ST6GAL1: variants seen among roughly 807,000 people sequenced by gnomAD.
ST6GAL1 encodes the protein beta-galactoside alpha-2,6-sialyltransferase 1.
In ST6GAL1, 20 loss-of-function variants were observed where a neutral mutation model predicts 38.0. That is an observed-to-expected ratio of 0.53 (90% CI 0.37 to 0.77). ST6GAL1 has a LOEUF of 0.77. Among genes scored for constraint, ST6GAL1 ranks in the 30% least tolerant of loss-of-function variants. The pLI is 0.00. For synonymous variants in ST6GAL1, 196 were observed against 188.2 expected, an observed-to-expected ratio of 1.04 and a Z score of -0.34; for missense variants, 432 against 496.4, an observed-to-expected ratio of 0.87 and a Z score of 1.23.
rs1169159943 is a variant in ST6GAL1, at chr3:187,075,857, A to T, written c.*54A>T. On this transcript the variant is annotated 3_prime_UTR_variant, in exon 8 of 8. Coordinates refer to ENST00000169298, the MANE Select transcript of ST6GAL1 (RefSeq NM_173216.2). The surrounding 1 kb of genome is among the most constrained non-coding windows in gnomAD (Gnocchi z 4.1). ...GCATTAAATGAATGGTCTCTTGGCC[A>T]CCCCAGCCTGGGAAGAACATTTTCC... The T allele has an allele frequency of 6.2e-7, 1 of 1,600,504 alleles. No homozygotes were observed. Among genetic ancestry groups the T allele is most frequent in the Non-Finnish European group, 8.5e-7 (1 of 1,171,772 alleles).
At chr3:186,948,860 G>GAGTCCT (rs1389564829) in intron 1 of ST6GAL1, 12 of 152,522 alleles carry the variant, frequency 7.9e-5, no homozygotes, top group Non-Finnish European at 1.5e-4. Context: ...CACAGCCCTG[G>GAGTCCT]GCCCAGTATC....
intron 2 of ST6GAL1, among the ~76,000 whole-genome samples, chr3:187,022,255 G>T (rs566638505): frequency 6.6e-6 from 1 of 151,936 alleles, no homozygotes; most frequent in African/African-American, 2.4e-5. Flanking sequence ...GTTGGGGTGG[G>T]ACCCCCACAC....
chr3:186,976,940 C>A (rs1254169392), intron 2 of ST6GAL1, among the ~76,000 whole-genome samples: 1 of 152,176 alleles, frequency 6.6e-6, no homozygotes, highest in Non-Finnish European at 1.5e-5. Flanking sequence ...GGTGCTGATA[C>A]CATATGAATA....
chr3:187,061,701 C>T (rs1718921182), intron 5 of ST6GAL1, among the ~76,000 whole-genome samples: 1 of 151,986 alleles, frequency 6.6e-6, no homozygotes, highest in African/African-American at 2.4e-5. Flanking sequence ...TACCTAACAC[C>T]AAAAATAAAA....
rs901516327 is a variant in ST6GAL1, at chr3:186,950,574, G to A, written c.-324-13211G>A. Among the ~76,000 whole-genome samples the A allele has an allele frequency of 6.6e-5, 10 of 152,332 alleles. No individual in the cohort carries two copies. The East Asian group carries it at 1.7e-3, about 26-fold the overall frequency. On this transcript the variant is annotated intron_variant, in intron 1 of 7. Coordinates refer to ENST00000169298, the MANE Select transcript of ST6GAL1 (RefSeq NM_173216.2). ...CTAAAGTGCAGGCTCCAGGTCATGT[G>A]GATGGAGGGGCTTCACAAAATGGTA...
intron 5 of ST6GAL1, among the ~76,000 whole-genome samples, chr3:187,066,194 T>C (rs551213557): frequency 6.6e-6 from 1 of 152,298 alleles, no homozygotes; most frequent in African/African-American, 2.4e-5. Flanking sequence ...TAATTGGAGC[T>C]AAAATTTAAT....
At chr3:186,979,714 G>A (rs374457106) in intron 2 of ST6GAL1, among the ~76,000 whole-genome samples, 6 of 152,256 alleles carry the variant, frequency 3.9e-5, no homozygotes, top group Non-Finnish European at 5.9e-5. Flanking sequence ...CTATGCCACC[G>A]GGCCCCCTGC....
chr3:186,986,972 C>CT (rs201008949), intron 2 of ST6GAL1, among the ~76,000 whole-genome samples: 1,551 of 94,758 alleles, frequency 0.016, 24 homozygotes, highest in African/African-American at 0.056. Flanking sequence ...TCTTTCTTTC[C>CT]TTTTAAAAAA....
intron 2 of ST6GAL1, among the ~76,000 whole-genome samples, chr3:186,992,857 G>T (rs1037324029): frequency 6.6e-6 from 1 of 152,152 alleles, no homozygotes; most frequent in Admixed American, 6.5e-5. Context: ...CAAATTAGAC[G>T]TGGTCCTTGC....
chr3:186,938,148 T>A (rs545872649), intron 1 of ST6GAL1, among the ~76,000 whole-genome samples: 2 of 152,322 alleles, frequency 1.3e-5, no homozygotes, highest in East Asian at 3.9e-4. Context: ...TCCCATAGGG[T>A]AGTCCTAAAG....
At chr3:187,013,586 G>A (rs370615850) in intron 2 of ST6GAL1, among the ~76,000 whole-genome samples, 16 of 152,224 alleles carry the variant, frequency 1.1e-4, no homozygotes, top group Admixed American at 6.5e-4. Flanking sequence ...CTATTGTTTT[G>A]TTTTGTTTTT....
At chr3:187,030,832 C>T (rs191809500) in intron 2 of ST6GAL1, among the ~76,000 whole-genome samples, 2 of 152,198 alleles carry the variant, frequency 1.3e-5, no homozygotes, top group East Asian at 1.9e-4. Context: ...TGGTCTGGGG[C>T]GGTAGTAAAT....
At chr3:187,001,552 TC>T (rs1210397422) in intron 2 of ST6GAL1, among the ~76,000 whole-genome samples, 1 of 152,206 alleles carries the variant, frequency 6.6e-6, no homozygotes, top group Non-Finnish European at 1.5e-5. Context: ...TTCAGCTTCA[TC>T]TGTAAAATGG....
chr3:186,965,839 T>C (rs750871749), intron 2 of ST6GAL1, among the ~76,000 whole-genome samples: 8 of 152,196 alleles, frequency 5.3e-5, no homozygotes, highest in Non-Finnish European at 1.2e-4. Context: ...GCCTCTCTAG[T>C]GTGTTTGGAC....
intron 2 of ST6GAL1, among the ~76,000 whole-genome samples, chr3:186,984,509 TC>T (rs1269735866): frequency 1.5e-4 from 23 of 152,238 alleles, no homozygotes; most frequent in Middle Eastern, 3.4e-3. Context: ...TCTTCCTTGA[TC>T]CTTTCCTTCC....
intron 2 of ST6GAL1, chr3:187,021,737 T>C (rs1386171844): frequency 1.0e-5 from 1 of 99,908 alleles, no homozygotes; most frequent in African/African-American, 4.3e-5. Flanking sequence ...CGAGACTCTG[T>C]CTCAAAAAAA....
intron 2 of ST6GAL1, among the ~76,000 whole-genome samples, chr3:187,006,765 A>G (rs6791737): frequency 0.16 from 23,941 of 152,158 alleles, 2,533 homozygotes; most frequent in African/African-American, 0.3. Context: ...ATTAAGTTTG[A>G]TTTCATTCCA....
At chr3:186,937,558 C>T (rs977986925) in intron 1 of ST6GAL1, among the ~76,000 whole-genome samples, 1 of 152,178 alleles carries the variant, frequency 6.6e-6, no homozygotes, top group Non-Finnish European at 1.5e-5. Flanking sequence ...TATTTGAGTG[C>T]CCACTCTAAA....
intron 2 of ST6GAL1, among the ~76,000 whole-genome samples, chr3:187,016,068 C>T (rs1349916538): frequency 2.6e-5 from 4 of 152,158 alleles, no homozygotes; most frequent in African/African-American, 9.7e-5. Context: ...CACGTGGGAA[C>T]CCCCTAGGAG....
Sources: gnomAD v4.1 joint callset for allele counts (sites outside exome capture counted in the v4.1 genomes callset) on GRCh38, gnomAD v4.1.1 for gene constraint, Gnocchi (gnomAD v3.1) non-coding constraint, MANE v1.5 for transcripts, NCBI Gene and HGNC (gene_info 2026-07-23, HGNC 2026-07-21) for gene names.